Variants in ZNF565 observed in about 807,000 individuals in gnomAD.
ZNF565 encodes the protein zinc finger protein 565.
ZNF565 carries 27 observed loss-of-function variants against 39.4 expected under a neutral mutation model. That is an observed-to-expected ratio of 0.69 (90% CI 0.51 to 0.95). The LOEUF (loss-of-function observed/expected upper bound fraction) is 0.95, where lower values mean the gene tolerates loss of function less well. Ranked by LOEUF, ZNF565 falls within the 40% of genes least tolerant of loss-of-function variation. The pLI is 0.00. For synonymous variants in ZNF565, 185 were observed against 216.6 expected (o/e 0.85, Z 1.28); for missense variants, 524 against 621.1 (o/e 0.84, Z 1.66).
At chr19:36,211,522 G>A (rs761178991) in intron 1 of ZNF565, among the ~76,000 whole-genome samples, 2 of 151,872 alleles carry the variant, frequency 1.3e-5, no homozygotes, top group Admixed American at 6.6e-5. Flanking sequence ...GGCCGGGCGC[G>A]GTGGCTCACG....
rs968608891 is a variant in ZNF565 at position 36,245,460 on chromosome 19, G to A, written c.55+16C>T. ...GATCACATTTCCCGTGGTCCACCGC[G>A]CATCTAGGAGGTTACCTGCGTCCAG... On this transcript the variant is annotated intron_variant, in intron 1 of 4. Transcript: ENST00000355114. The surrounding 1 kb of genome is among the most constrained non-coding windows in gnomAD (Gnocchi z 4.4). 1 of 702,248 alleles carries A rather than the reference G, an allele frequency of 1.4e-6. No homozygotes were observed. Among genetic ancestry groups the A allele is most frequent in the Non-Finnish European group, 2.6e-6 (1 of 384,758 alleles). The allele number at this position is 702,248 out of a possible 1,614,324, so 43.5% of individuals were successfully genotyped here. A position where few individuals can be genotyped will look rare whatever the true frequency, so the allele number is the denominator to read the frequency against.
chr19:36,229,554 CCTT>C (rs1204741147), intron 1 of ZNF565, among the ~76,000 whole-genome samples: 6 of 152,116 alleles, frequency 3.9e-5, no homozygotes, highest in East Asian at 1.9e-4. Flanking sequence ...TCACGTATAT[CCTT>C]CTTGAGGTAA....
chr19:36,187,510 C>T (rs559513591), intron 4 of ZNF565, among the ~76,000 whole-genome samples: 3 of 151,000 alleles, frequency 2.0e-5, no homozygotes, highest in Non-Finnish European at 3.0e-5. Context: ...CACAGGCGCC[C>T]GTCACCACGC....
At chr19:36,225,910 A>ACCAC (rs1274518556) in intron 1 of ZNF565, among the ~76,000 whole-genome samples, 1 of 151,682 alleles carries the variant, frequency 6.6e-6, no homozygotes, top group Non-Finnish European at 1.5e-5. Context: ...ACAGGCATGT[A>ACCAC]CCACCCCACA....
intron 1 of ZNF565, among the ~76,000 whole-genome samples, chr19:36,222,024 G>T (rs1262944043): frequency 6.7e-6 from 1 of 150,086 alleles, no homozygotes; most frequent in Non-Finnish European, 1.5e-5. Context: ...CCAACTGCTG[G>T]GCTGAAGTGA....
intron 1 of ZNF565, among the ~76,000 whole-genome samples, chr19:36,224,603 C>T (rs1163380720): frequency 2.6e-5 from 4 of 152,266 alleles, no homozygotes; most frequent in Admixed American, 6.5e-5. Context: ...CTTAATTGCT[C>T]GTCCTTTTCA....
At chr19:36,213,727 C>T (rs1205324266) in intron 1 of ZNF565, among the ~76,000 whole-genome samples, 2 of 143,786 alleles carry the variant, frequency 1.4e-5, no homozygotes, top group African/African-American at 5.3e-5. Flanking sequence ...AGGCTGGTCT[C>T]GAACTCCTGG....
chr19:36,185,040 C>T (rs1975236970), intron 4 of ZNF565, among the ~76,000 whole-genome samples: 1 of 151,644 alleles, frequency 6.6e-6, no homozygotes, highest in South Asian at 2.1e-4. Flanking sequence ...ATCACTTGAA[C>T]CTAGGAGGCA....
rs1975129013 is a variant in ZNF565, at chr19:36,182,736, TTGA to T, written c.1227_1229del (p.His409del). 1 of 1,613,706 alleles carries T rather than the reference TTGA, an allele frequency of 6.2e-7. No homozygotes were observed. The highest frequency in any genetic ancestry group is 8.5e-7 in the Non-Finnish European group (1 of 1,179,936). ...AGGGTTTGTCACCTGTATGAATTCT[TTGA>T]TGTTGAATGAGGTATGAGCTACGAC... On this transcript the variant is annotated inframe_deletion, in exon 5 of 5. Coordinates refer to ENST00000304116, the MANE Select transcript of ZNF565 (RefSeq NM_152477.5).
chr19:36,243,304 G>A (rs1267827233), intron 1 of ZNF565, among the ~76,000 whole-genome samples: 1 of 152,168 alleles, frequency 6.6e-6, no homozygotes. Flanking sequence ...AAAGTGTGGG[G>A]ATTACAAGCG....
At chr19:36,185,937 G>A (rs922955903) in intron 4 of ZNF565, among the ~76,000 whole-genome samples, 4 of 151,252 alleles carry the variant, frequency 2.6e-5, no homozygotes, top group Admixed American at 1.3e-4. Flanking sequence ...CAGGTAATCC[G>A]CCCACCTCGG....
At chr19:36,187,190 C>CAA (rs1011342300) in intron 4 of ZNF565, among the ~76,000 whole-genome samples, 1 of 133,028 alleles carries the variant, frequency 7.5e-6, no homozygotes, top group African/African-American at 2.8e-5. Context: ...AACTCCATCT[C>CAA]AAAAAAAAAA....
intron 4 of ZNF565, among the ~76,000 whole-genome samples, chr19:36,188,720 A>C (rs969178419): frequency 6.6e-6 from 1 of 151,904 alleles, no homozygotes; most frequent in Non-Finnish European, 1.5e-5. Flanking sequence ...TCAAAAAAAA[A>C]AAAAAACAAA....
chr19:36,189,317 A>AT lies in ZNF565; in HGVS notation c.232+4915dup, dbSNP rs929406309. On this transcript the variant is annotated intron_variant, in intron 4 of 4. Coordinates refer to ENST00000304116, the MANE Select transcript of ZNF565 (RefSeq NM_152477.5). ...AAAATAAATAAATAAATATTATGTA[A>AT]TTTTTTTTTTTTTTGAGACAGAGTC... Among the ~76,000 whole-genome samples the AT allele has an allele frequency of 5.2e-3, 745 of 143,594 alleles. 31 individuals carry two copies. In the East Asian group the frequency reaches 0.1, roughly 20 times the overall value. 94.2% of individuals were successfully genotyped at this position (143,594 alleles called of 152,430 possible).
At chr19:36,227,815 G>A (rs1270015439) in intron 1 of ZNF565, among the ~76,000 whole-genome samples, 9 of 152,160 alleles carry the variant, frequency 5.9e-5, no homozygotes, top group African/African-American at 1.4e-4. Flanking sequence ...CCGGCCTCCC[G>A]AAGTGTTGGG....
At chr19:36,219,150 A>G (rs1255003029), upstream of ZNF565, among the ~76,000 whole-genome samples, 2 of 152,056 alleles carry the variant, frequency 1.3e-5, no homozygotes, top group Non-Finnish European at 2.9e-5. Context: ...AACTGGAATC[A>G]GGAAGTTAGG....
chr19:36,223,606 G>T (rs937261192), intron 1 of ZNF565, among the ~76,000 whole-genome samples: 1 of 151,858 alleles, frequency 6.6e-6, no homozygotes, highest in African/African-American at 2.4e-5. Flanking sequence ...CTCGTGATCC[G>T]CCCGCCTCGG....
rs1404247954 is a variant in ZNF565, at chr19:36,245,502, G to A, written c.29C>T (p.Ser10Phe). 1 of 702,190 alleles carries A rather than the reference G, an allele frequency of 1.4e-6. No individual in the cohort carries two copies. Among genetic ancestry groups the A allele is most frequent in the Admixed American group, 2.0e-5 (1 of 49,984 alleles). The allele number at this position is 702,190 out of a possible 1,614,324, so 43.5% of individuals were successfully genotyped here. Residue 10 changes from serine (S) to phenylalanine (F), a missense_variant, in exon 1 of 5, where the codon TCC (serine) becomes TTC (phenylalanine). By Grantham distance (155) the Ser-to-Phe change is radical. Transcript: ENST00000355114. This position sits in a 1 kb window ranked among gnomAD's most constrained non-coding sequence, Gnocchi z 4.4. ...TGCGTCCAGGCGGTGACTTGCGAGG[G>A]ACCACCTTTCCCAGGGTCCACGGCG...
intron 4 of ZNF565, among the ~76,000 whole-genome samples, chr19:36,186,108 T>C (rs1844098920): frequency 6.6e-6 from 1 of 152,102 alleles, no homozygotes; most frequent in African/African-American, 2.4e-5. Flanking sequence ...GCGATTCTCC[T>C]GCCTCAGCCT....
Sources: gnomAD v4.1 joint callset for allele counts (sites outside exome capture counted in the v4.1 genomes callset) on GRCh38, gnomAD v4.1.1 for gene constraint, Gnocchi (gnomAD v3.1) non-coding constraint, MANE v1.5 for transcripts, NCBI Gene and HGNC (gene_info 2026-07-23, HGNC 2026-07-21) for gene names.